Variants in TRIP6 observed in about 807,000 individuals in gnomAD.
TRIP6 encodes thyroid receptor-interacting protein 6.
Under a neutral mutation model 51.9 loss-of-function variants are expected in TRIP6, and 33 were observed. The observed-to-expected ratio is 0.64, with a 90% CI of 0.48 to 0.85. The LOEUF is 0.85. Among genes scored for constraint, TRIP6 ranks in the 40% least tolerant of loss-of-function variants. TRIP6 has a pLI of 0.00. For synonymous variants in TRIP6, 255 were observed against 275.8 expected (o/e 0.92, Z 0.75); for missense variants, 661 against 652.1 (o/e 1.01, Z -0.15).
In TRIP6 at chr7:100,870,397, G is replaced by C. The variant is rs1272256887; in HGVS notation, c.763G>C (p.Glu255Gln). The change falls in exon 5 of 9, where the codon GAG (glutamate) becomes CAG (glutamine). Residue 255 changes from glutamate (E) to glutamine (Q), a missense_variant. Glu to Gln is a conservative substitution (Grantham distance 29, BLOSUM62 2). Coordinates refer to ENST00000200457, the MANE Select transcript of TRIP6 (RefSeq NM_003302.3). ...GCCCCTGAGCCAGCCTCCAGAGGAT[G>C]AGCTGGATAGGCTGACGAAGAAGCT... ...QVPLSQPPED[E>Q]LDRLTKKLVH... is the part of the protein sequence containing the mutation. The C allele has an allele frequency of 6.2e-7, 1 of 1,612,422 alleles. No individual in the cohort carries two copies. Among genetic ancestry groups the C allele is most frequent in the Admixed American group, 1.7e-5 (1 of 60,000 alleles).
chr7:100,868,005 T>C lies in TRIP6; in HGVS notation c.237+17T>C, dbSNP rs1584717213. 5 of 1,513,684 alleles carry C rather than the reference T, an allele frequency of 3.3e-6. No individual in the cohort carries two copies. Among genetic ancestry groups the C allele is most frequent in the Non-Finnish European group, 4.4e-6 (5 of 1,132,120 alleles). The allele number at this position is 1,513,684 out of a possible 1,614,324, so 93.8% of individuals were successfully genotyped here. ...CACACGCAGGTGAGACCCGGGATCGTGGGGTGGGACATGTGGGATCCCCCA... is the reference window on the plus strand; with the variant it reads ...CACACGCAGGTGAGACCCGGGATCGCGGGGTGGGACATGTGGGATCCCCCA... On this transcript the variant is annotated intron_variant, in intron 2 of 8. Coordinates refer to ENST00000200457, the MANE Select transcript of TRIP6 (RefSeq NM_003302.3).
At chr7:100,873,100 C>T (rs942333637) in intron 8 of TRIP6, 72 bp from the exon 9 acceptor site, 16 of 1,559,048 alleles carry the variant, frequency 1.0e-5, no homozygotes, top group South Asian at 6.9e-5. Flanking sequence ...CCTCCTGCCT[C>T]GGCTTCTCAA....
In TRIP6 at chr7:100,867,726, G is replaced by C; in HGVS notation, c.109+120G>C. On this transcript the variant is annotated intron_variant, in intron 1 of 8. Transcript: ENST00000200457. The surrounding 1 kb of genome is among the most constrained non-coding windows in gnomAD (Gnocchi z 5.4). Reference sequence around the variant, plus strand: ...CCCCTTCCCCAAGCCGAGGCGGGGGGAACAGCCGCCTGCGCTCTCTTGGGA... The same window carrying C: ...CCCCTTCCCCAAGCCGAGGCGGGGGCAACAGCCGCCTGCGCTCTCTTGGGA... 1 of 1,521,562 alleles carries C rather than the reference G, an allele frequency of 6.6e-7. No homozygotes were observed. Among genetic ancestry groups the C allele is most frequent in the Non-Finnish European group, 8.8e-7 (1 of 1,131,254 alleles). 94.3% of individuals were successfully genotyped at this position (1,521,562 alleles called of 1,614,324 possible).
chr7:100,873,221 CGCTGGA>C lies in TRIP6; in HGVS notation c.1350_1355del (p.Leu451_Asp452del), dbSNP rs1338208537. 6.2e-7 allele frequency: 1 copy of C among 1,613,818 alleles called. No homozygotes were observed. The highest frequency in any genetic ancestry group is 8.5e-7 in the Non-Finnish European group (1 of 1,179,862). ...GAGGGCGAGTGTCAGGGCTGCTACC[CGCTGGA>C]TGGGCACATCTTGTGCAAGGCCTGC... On this transcript the variant is annotated inframe_deletion, in exon 9 of 9. Transcript: ENST00000200457.
chr7:100,872,928 G>A, intron 8 of TRIP6, 184 bp downstream of exon 8: 1 of 1,131,740 alleles, frequency 8.8e-7, no homozygotes, highest in Non-Finnish European at 1.2e-6. Context: ...TTGGCTCACT[G>A]CAACCTCCAC....
intron 4 of TRIP6, 53 bp downstream of exon 4, chr7:100,868,919 T>A: frequency 1.4e-6 from 2 of 1,440,888 alleles, no homozygotes; most frequent in South Asian, 3.2e-5. Context: ...GGACACCGAC[T>A]GGGTGGGGTG....
intron 6 of TRIP6, 76 bp downstream of exon 6, chr7:100,870,819 G>T (rs1029184293): frequency 7.9e-6 from 12 of 1,520,416 alleles, no homozygotes; most frequent in Middle Eastern, 1.9e-4. Context: ...TAACTAGAGC[G>T]TCCAAGACCA....
rs769520272 is a variant in TRIP6 at position 100,867,484 on chromosome 7, C to T, written c.-14C>T. On this transcript the variant is annotated 5_prime_UTR_variant, in exon 1 of 9. Coordinates refer to ENST00000200457, the MANE Select transcript of TRIP6 (RefSeq NM_003302.3). This position sits in a 1 kb window ranked among gnomAD's most constrained non-coding sequence, Gnocchi z 5.4. ...GGCTTCAAGACCGCTGTCTGGAGTCCCCCTTTCCAGGCCATGTCGGGGCCC... is the reference window on the plus strand; with the variant it reads ...GGCTTCAAGACCGCTGTCTGGAGTCTCCCTTTCCAGGCCATGTCGGGGCCC... 2.7e-6 allele frequency: 4 copies of T among 1,456,970 alleles called. No homozygotes were observed. Among genetic ancestry groups the T allele is most frequent in the South Asian group, 2.8e-5 (2 of 72,412 alleles). The allele number at this position is 1,456,970 out of a possible 1,614,324, so 90.3% of individuals were successfully genotyped here.
rs776470826 is a variant in TRIP6 at position 100,872,757 on chromosome 7, C to T, written c.1299+13C>T. On this transcript the variant is annotated intron_variant, in intron 8 of 8. Transcript: ENST00000200457. ...TTACAAGTGCGAGGTCAGGGGCCCC[C>T]AGCACGTGCAAGGGGCTGGCAGTGT... The T allele has an allele frequency of 5.6e-6, 9 of 1,613,712 alleles. No individual in the cohort carries two copies. The East Asian group carries it at 6.7e-5, about 12-fold the overall frequency.
chr7:100,868,675 G>A lies in TRIP6; in HGVS notation c.544G>A (p.Gly182Ser), dbSNP rs750488460. The change falls in exon 4 of 9, where the codon GGC becomes AGC. Residue 182 changes from glycine (G) to serine (S), a missense_variant. Physicochemically the swap from Gly to Ser is moderately conservative, Grantham distance 56. Coordinates refer to ENST00000200457, the MANE Select transcript of TRIP6 (RefSeq NM_003302.3). ...VKVAQPVRGC[G>S]PPRRGASQAS... ...GGTGGCACAGCCAGTGAGGGGCTGCGGCCCACCCAGGCGGGGAGCCTCTCA... is the reference window on the plus strand; with the variant it reads ...GGTGGCACAGCCAGTGAGGGGCTGCAGCCCACCCAGGCGGGGAGCCTCTCA... The A allele has an allele frequency of 1.9e-6, 3 of 1,604,702 alleles. No homozygotes were observed. The highest frequency in any genetic ancestry group is 1.7e-6 in the Non-Finnish European group (2 of 1,175,280).
Position 100,867,577 on chromosome 7 carries a change from C to A in TRIP6, c.80C>A (p.Thr27Asn). The A allele has an allele frequency of 6.5e-7, 1 of 1,539,644 alleles. No individual in the cohort carries two copies. The highest frequency in any genetic ancestry group is 8.7e-7 in the Non-Finnish European group (1 of 1,146,158). The change falls in exon 1 of 9, where the codon ACC (threonine) becomes AAC (asparagine). Residue 27 changes from threonine (T) to asparagine (N), a missense_variant. By Grantham distance (65) the Thr-to-Asn change is moderately conservative. Transcript: ENST00000200457. This position sits in a 1 kb window ranked among gnomAD's most constrained non-coding sequence, Gnocchi z 5.4. Reference sequence around the variant, plus strand: ...CAGGGGAGGGCGATCCCCCGCGGCACCCCGGGGCCACCACCGGCCCACGGA... The same window carrying A: ...CAGGGGAGGGCGATCCCCCGCGGCAACCCGGGGCCACCACCGGCCCACGGA... ...APQGRAIPRG[T>N]PGPPPAHGAA...
intron 8 of TRIP6, 43 bp downstream of exon 8, chr7:100,872,787 G>A (rs751072828): frequency 3.7e-6 from 6 of 1,611,538 alleles, no homozygotes; most frequent in Non-Finnish European, 5.1e-6. Flanking sequence ...CAGTGTCTAG[G>A]GTGCTGGGTA....
chr7:100,872,747 C>A lies in TRIP6; in HGVS notation c.1299+3C>A, dbSNP rs367670550. 12 of 1,613,638 alleles carry A rather than the reference C, an allele frequency of 7.4e-6. No individual in the cohort carries two copies. Among genetic ancestry groups the A allele is most frequent in the African/African-American group, 1.3e-5 (1 of 74,882 alleles). On this transcript the variant is annotated splice_donor_region_variant and intron_variant, in intron 8 of 8. Coordinates refer to ENST00000200457, the MANE Select transcript of TRIP6 (RefSeq NM_003302.3). ...ACATTGGCTGTTACAAGTGCGAGGT[C>A]AGGGGCCCCCAGCACGTGCAAGGGG...
At chr7:100,868,902 G>C in intron 4 of TRIP6, 36 bp downstream of exon 4, 3 of 1,468,696 alleles carry the variant, frequency 2.0e-6, no homozygotes, top group South Asian at 1.5e-5. Flanking sequence ...AGGCCCTACA[G>C]ACAATGGGAC....
rs368522522 is a variant in TRIP6 at position 100,868,160 on chromosome 7, T to C, written c.290T>C (p.Ile97Thr). The C allele has an allele frequency of 4.8e-5, 77 of 1,611,356 alleles. No homozygotes were observed. The African/African-American group carries it at 8.3e-4, about 17-fold the overall frequency. ...CGCCCTGGAAGCCTGGACGCCGAGA[T>C]AGACTTGCTGAGCAGCACGCTGGCC... ...GLRPGSLDAE[I>T]DLLSSTLAEL... The change falls in exon 3 of 9, where the codon ATA becomes ACA. Residue 97 changes from isoleucine to threonine, a missense_variant. Coordinates refer to ENST00000200457, the MANE Select transcript of TRIP6 (RefSeq NM_003302.3).
rs923201816 is a variant in TRIP6, at chr7:100,872,078, G to C, written c.1178+357G>C. Among the ~76,000 whole-genome samples, 9 of 143,874 alleles carry C rather than the reference G, an allele frequency of 6.3e-5. No homozygotes were observed. In the Admixed American group the frequency reaches 6.4e-4, roughly 10 times the overall value. The allele number at this position is 143,874 out of a possible 152,430, so 94.4% of individuals were successfully genotyped here. The stretch of plus-strand genomic sequence containing the variant: ...CACCCAGGCTGGAGTGCAGTGGCAC[G>C]ATCTCAGCTCACTGCAACCTCCACC... On this transcript the variant is annotated intron_variant, in intron 7 of 8. Coordinates refer to ENST00000200457, the MANE Select transcript of TRIP6 (RefSeq NM_003302.3).
chr7:100,871,742 T>C, intron 7 of TRIP6, 21 bp downstream of exon 7: 1 of 1,607,810 alleles, frequency 6.2e-7, no homozygotes, highest in Non-Finnish European at 8.5e-7. Flanking sequence ...GCCTCCACCT[T>C]GTCTCACAAT....
intron 6 of TRIP6, 114 bp downstream of exon 6, chr7:100,870,857 G>T: frequency 7.3e-7 from 1 of 1,376,882 alleles, no homozygotes; most frequent in South Asian, 1.4e-5. Flanking sequence ...AAAGCCAGGC[G>T]ACTGAAAGTG....
Position 100,871,476 on chromosome 7 carries a change from T to C in TRIP6, c.1000-67T>C, listed in dbSNP as rs1815266034. The C allele has an allele frequency of 3.9e-6, 6 of 1,549,020 alleles. No individual in the cohort carries two copies. In the East Asian group the frequency reaches 1.4e-4, roughly 35 times the overall value. The stretch of plus-strand genomic sequence containing the variant: ...TGCAGAAATTAGATGGCTGGGTTGC[T>C]GGGGTTCCTGTTGAGCTGCCATGGC... On this transcript the variant is annotated intron_variant, in intron 6 of 8. Coordinates refer to ENST00000200457, the MANE Select transcript of TRIP6 (RefSeq NM_003302.3).
Sources: gnomAD v4.1 joint callset for allele counts (sites outside exome capture counted in the v4.1 genomes callset) on GRCh38, gnomAD v4.1.1 for gene constraint, Gnocchi (gnomAD v3.1) non-coding constraint, MANE v1.5 for transcripts, NCBI Gene and HGNC (gene_info 2026-07-23, HGNC 2026-07-21) for gene names.